The following ELP3 variants were observed in gnomAD, a reference collection of about 807,000 sequenced individuals.
ELP3 encodes the protein elongator acetyltransferase complex subunit 3.
ELP3 carries 56 observed loss-of-function variants against 74.9 expected under a neutral mutation model. That is an observed-to-expected ratio of 0.75 (90% CI 0.60 to 0.93). ELP3 has a LOEUF of 0.93. ELP3 is among the 40% of genes least tolerant of loss of function. The pLI is 0.00. For synonymous variants in ELP3, 222 were observed against 239.8 expected (o/e 0.93, Z 0.68); for missense variants, 573 against 686.5 (o/e 0.83, Z 1.85).
At chr8:28,160,484 T>A in intron 13 of ELP3, 28 bp downstream of exon 13, 1 of 1,594,698 alleles carries the variant, frequency 6.3e-7, no homozygotes, top group Non-Finnish European at 8.6e-7. Context: ...TCTATTTGAC[T>A]TCTAAGAAAC....
chr8:28,106,698 A>G lies in ELP3; in HGVS notation c.259-15A>G. The G allele has an allele frequency of 1.9e-6, 3 of 1,608,886 alleles. No individual in the cohort carries two copies. Among genetic ancestry groups the G allele is most frequent in the Non-Finnish European group, 2.5e-6 (3 of 1,176,548 alleles). The stretch of plus-strand genomic sequence containing the variant: ...TTATCCTATAATAGCTTTTTTATTC[A>G]TCTTTCTTTTATAGATTGCTGTCGT... On this transcript the variant is annotated splice_polypyrimidine_tract_variant and intron_variant, in intron 3 of 14. Transcript: ENST00000256398.
chr8:28,112,841 C>A, intron 6 of ELP3, 178 bp from the exon 7 acceptor site: 1 of 440,234 alleles, frequency 2.3e-6, no homozygotes, highest in African/African-American at 2.0e-5. Flanking sequence ...GTTGTACTCA[C>A]TTTTTTCTTT....
chr8:28,135,646 A>G (rs1368758961), intron 9 of ELP3, among the ~76,000 whole-genome samples: 2 of 152,144 alleles, frequency 1.3e-5, no homozygotes, highest in Non-Finnish European at 2.9e-5. Flanking sequence ...GGGAAAGGCT[A>G]AGGGTTAACG....
chr8:28,156,228 T>C (rs780268743), intron 11 of ELP3, among the ~76,000 whole-genome samples, 196 bp downstream of exon 11: 1 of 152,160 alleles, frequency 6.6e-6, no homozygotes, highest in African/African-American at 2.4e-5. Flanking sequence ...TTTCCTTCAT[T>C]CCCTTCTGCT....
At chr8:28,110,300 A>G in intron 5 of ELP3, 70 bp from the exon 6 acceptor site, 1 of 1,354,848 alleles carries the variant, frequency 7.4e-7, no homozygotes, top group East Asian at 2.3e-5. Flanking sequence ...TTTTTTTTAA[A>G]ATACAGTCCT....
intron 7 of ELP3, 94 bp from the exon 8 acceptor site, chr8:28,129,408 C>T: frequency 7.6e-7 from 1 of 1,319,794 alleles, no homozygotes; most frequent in East Asian, 2.3e-5. Flanking sequence ...TTACCACTAT[C>T]TCATACTAGG....
intron 7 of ELP3, 125 bp downstream of exon 7, chr8:28,113,298 A>G: frequency 3.1e-6 from 2 of 647,526 alleles, no homozygotes; most frequent in South Asian, 3.3e-5. Flanking sequence ...TTCTTGTTTC[A>G]TGGGAAAGGA....
At chr8:28,175,810 C>CTT (rs56901616) in intron 14 of ELP3, among the ~76,000 whole-genome samples, 18,081 of 77,450 alleles carry the variant, frequency 0.23, 115 homozygotes, top group Non-Finnish European at 0.27. Context: ...TGTCTAGTGA[C>CTT]TTTTTTTTTT....
intron 1 of ELP3, 31 bp downstream of exon 1, chr8:28,093,264 G>A (rs769366735): frequency 1.2e-5 from 20 of 1,612,252 alleles, no homozygotes; most frequent in Non-Finnish European, 1.5e-5. Flanking sequence ...GGGGGAAAGG[G>A]GTGGTCCGAA....
intron 14 of ELP3, among the ~76,000 whole-genome samples, chr8:28,170,432 G>A (rs1814474242): frequency 6.6e-6 from 1 of 152,158 alleles, no homozygotes; most frequent in Non-Finnish European, 1.5e-5. Flanking sequence ...GGTAGAGCTT[G>A]GCAGGTCCAA....
chr8:28,107,455 A>G (rs1398281277), intron 4 of ELP3, among the ~76,000 whole-genome samples: 1 of 152,228 alleles, frequency 6.6e-6, no homozygotes, highest in Non-Finnish European at 1.5e-5. Flanking sequence ...GATCAGAAAC[A>G]TATCAAAATA....
In ELP3 at chr8:28,190,903, G is replaced by C. The variant is rs1026568136; in HGVS notation, c.*1178G>C. On this transcript the variant is annotated 3_prime_UTR_variant, in exon 15 of 15. Coordinates refer to ENST00000256398, the MANE Select transcript of ELP3 (RefSeq NM_018091.6). ...TTTTGGTTGTTATAAATGGAGAAAG[G>C]TAAGAGTTCAAGTTCAACCCGTGTG... 6.6e-6 allele frequency: 1 copy of C among 152,158 alleles called. No homozygotes were observed. The highest frequency in any genetic ancestry group is 2.4e-5 in the African/African-American group (1 of 41,422). 9.4% of individuals were successfully genotyped at this position (152,158 alleles called of 1,614,324 possible). A position where few individuals can be genotyped will look rare whatever the true frequency, so the allele number is the denominator to read the frequency against.
intron 9 of ELP3, among the ~76,000 whole-genome samples, chr8:28,136,663 C>A (rs1034461423): frequency 6.6e-6 from 1 of 152,172 alleles, no homozygotes; most frequent in African/African-American, 2.4e-5. Context: ...TGTTATATTT[C>A]TTTGTAAAGC....
chr8:28,095,038 G>A (rs1811199714), intron 1 of ELP3, among the ~76,000 whole-genome samples: 1 of 152,196 alleles, frequency 6.6e-6, no homozygotes, highest in Non-Finnish European at 1.5e-5. Flanking sequence ...TTTGCCTAGT[G>A]GCCAGGGTCC....
At position 28,137,793 on chromosome 8, in the gene ELP3, A is replaced by G. The variant is rs201907948; in HGVS notation, c.1002A>G (p.Ser334=). 3 of 1,613,998 alleles carry G rather than the reference A, an allele frequency of 1.9e-6. No homozygotes were observed. Among genetic ancestry groups the G allele is most frequent in the African/African-American group, 2.7e-5 (2 of 74,900 alleles). The change falls in exon 10 of 15, where the codon TCA becomes TCG. Residue 334 remains serine (S), a synonymous_variant. Transcript: ENST00000256398. ...RGTGLYELWK[S]GRYKSYSPSD... Reference sequence around the variant, plus strand: ...CCGGGCTTTATGAGCTTTGGAAATCAGGAAGATATAAGAGTTACTCTCCTA... The same window carrying G: ...CCGGGCTTTATGAGCTTTGGAAATCGGGAAGATATAAGAGTTACTCTCCTA...
intron 3 of ELP3, among the ~76,000 whole-genome samples, chr8:28,102,745 A>G (rs1279291525): frequency 6.6e-6 from 1 of 152,236 alleles, no homozygotes; most frequent in Non-Finnish European, 1.5e-5. Context: ...ATATTGTTGC[A>G]TTATTATTAA....
At position 28,158,813 on chromosome 8, in the gene ELP3, C is replaced by T. The variant is rs1813949073; in HGVS notation, c.1257+180C>T. ...GCCAAATACAAGAATTCTAGAAGAG[C>T]CAGGTTAGGAAAACGAAGTCTGAAC... is the stretch of plus-strand genomic sequence containing the variant. On this transcript the variant is annotated intron_variant, in intron 12 of 14. Coordinates refer to ENST00000256398, the MANE Select transcript of ELP3 (RefSeq NM_018091.6). Among the ~76,000 whole-genome samples the T allele has an allele frequency of 1.3e-5, 2 of 152,070 alleles. 1 individual carries two copies. The highest frequency in any genetic ancestry group is 1.3e-4 in the Admixed American group (2 of 15,252).
chr8:28,108,579 C>T lies in ELP3; in HGVS notation c.393+603C>T, dbSNP rs1358470255. Among the ~76,000 whole-genome samples the T allele has an allele frequency of 2.0e-5, 3 of 151,062 alleles. No homozygotes were observed. The East Asian group carries it at 5.9e-4, about 30-fold the overall frequency. ...TCAAGTGATTCTCCTGCCTCAGCCT[C>T]CCGAGTAGCTGGGACTACAGGCAAG... is the stretch of plus-strand genomic sequence containing the variant. On this transcript the variant is annotated intron_variant, in intron 5 of 14. Transcript: ENST00000256398.
intron 3 of ELP3, among the ~76,000 whole-genome samples, chr8:28,102,724 T>C (rs1208371162): frequency 1.3e-5 from 2 of 152,262 alleles, no homozygotes; most frequent in Non-Finnish European, 2.9e-5. Flanking sequence ...TTTGTTAGAA[T>C]TGATGAACCA....
Sources: gnomAD v4.1 joint callset for allele counts (sites outside exome capture counted in the v4.1 genomes callset) on GRCh38, gnomAD v4.1.1 for gene constraint, MANE v1.5 for transcripts, NCBI Gene and HGNC (gene_info 2026-07-23, HGNC 2026-07-21) for gene names.